CDH4: variants seen among roughly 807,000 people sequenced by gnomAD.
CDH4 encodes the protein cadherin 4.
In CDH4, 33 loss-of-function variants were observed where a neutral mutation model predicts 86.0. The ratio of observed to expected loss-of-function variants is 0.38; its 90% CI spans 0.29 to 0.51. The LOEUF is 0.51. Among genes scored for constraint, CDH4 ranks in the 20% least tolerant of loss-of-function variants. The pLI is 0.86. For missense variants in CDH4, 1,114 were observed against 1,307.4 expected, an observed-to-expected ratio of 0.85 and a Z score of 2.28; for synonymous variants, 555 against 549.4, an observed-to-expected ratio of 1.01 and a Z score of -0.14.
intron 2 of CDH4, among the ~76,000 whole-genome samples, chr20:61,717,053 A>T (rs2087964536): frequency 1.3e-5 from 2 of 152,230 alleles, no homozygotes; most frequent in African/African-American, 2.4e-5. Context: ...TGCCAGTGCC[A>T]GCAGCTTCTT....
At chr20:61,873,665 G>A (rs1983896653) in intron 6 of CDH4, 63 bp from the exon 7 acceptor site, 1 of 1,548,412 alleles carries the variant, frequency 6.5e-7, no homozygotes, top group Non-Finnish European at 8.8e-7. Flanking sequence ...CTGCCCAGGT[G>A]TGTGCGGGGG....
At chr20:61,885,688 T>C (rs895361022) in intron 7 of CDH4, among the ~76,000 whole-genome samples, 3 of 152,178 alleles carry the variant, frequency 2.0e-5, no homozygotes, top group African/African-American at 7.2e-5. Context: ...ACTCTTGACT[T>C]GTGAGGACCC....
chr20:61,787,566 G>T (rs543531332), intron 4 of CDH4, among the ~76,000 whole-genome samples: 13 of 152,206 alleles, frequency 8.5e-5, no homozygotes, highest in Middle Eastern at 3.2e-3. Context: ...GGGCCACAGC[G>T]AAACCATATC....
chr20:61,406,026 G>C (rs1440430252), intron 2 of CDH4, among the ~76,000 whole-genome samples: 5 of 152,158 alleles, frequency 3.3e-5, no homozygotes, highest in African/African-American at 1.2e-4. Context: ...TTCCTCTATA[G>C]ATCATAACTG....
In CDH4 at chr20:61,684,196, G is replaced by A. The variant is rs115903898; in HGVS notation, c.170-59367G>A. Among the ~76,000 whole-genome samples the A allele has an allele frequency of 0.011, 1,740 of 152,338 alleles. 32 individuals carry two copies. Among genetic ancestry groups the A allele is most frequent in the African/African-American group, 0.038 (1,567 of 41,580 alleles). ...AACCCCCAAAGGAATAAATGCAGCCGTTGCTGCTGGTGAAGGAGGCCGTCG... is the reference window on the plus strand; with the variant it reads ...AACCCCCAAAGGAATAAATGCAGCCATTGCTGCTGGTGAAGGAGGCCGTCG... On this transcript the variant is annotated intron_variant, in intron 2 of 15. Transcript: ENST00000614565. The surrounding 1 kb of genome is among the most constrained non-coding windows in gnomAD (Gnocchi z 4.5).
rs560166905 is a variant in CDH4, at chr20:61,648,209, A to G, written c.170-95354A>G. Among the ~76,000 whole-genome samples, 20 of 152,304 alleles carry G rather than the reference A, an allele frequency of 1.3e-4. No individual in the cohort carries two copies. The East Asian group carries it at 2.3e-3, about 18-fold the overall frequency. ...GAAGACTTGTTCAAGATGCTAATTC[A>G]TTGTCTGGGTCTTTCTGATGGAATG... On this transcript the variant is annotated intron_variant, in intron 2 of 15. Transcript: ENST00000614565.
chr20:61,761,064 A>G (rs1016717721), intron 3 of CDH4, among the ~76,000 whole-genome samples: 2 of 152,222 alleles, frequency 1.3e-5, no homozygotes, highest in African/African-American at 4.8e-5. Flanking sequence ...TTAAATATAC[A>G]TGTTTTCGGG....
At chr20:61,422,468 C>T (rs8114220) in intron 2 of CDH4, among the ~76,000 whole-genome samples, 8,641 of 68,964 alleles carry the variant, frequency 0.13, 970 homozygotes, top group African/African-American at 0.18. Context: ...AAAAAAAAAA[C>T]CAAATCTCCC....
chr20:61,578,223 C>T (rs2086398887), intron 2 of CDH4, among the ~76,000 whole-genome samples: 1 of 152,196 alleles, frequency 6.6e-6, no homozygotes, highest in African/African-American at 2.4e-5. Context: ...CTTTTACCCA[C>T]CAAAGAGAAT....
At chr20:61,611,744 G>A (rs1356260567) in intron 2 of CDH4, among the ~76,000 whole-genome samples, 1 of 152,140 alleles carries the variant, frequency 6.6e-6, no homozygotes, top group Non-Finnish European at 1.5e-5. Flanking sequence ...GGACAGGGCT[G>A]TTTCCAGGCT....
chr20:61,314,708 T>C (rs1362791516), intron 2 of CDH4, among the ~76,000 whole-genome samples: 1 of 152,150 alleles, frequency 6.6e-6, no homozygotes, highest in Non-Finnish European at 1.5e-5. Flanking sequence ...CTATCTTCCA[T>C]AACGCTCATC....
chr20:61,736,954 C>T (rs1361913893), intron 2 of CDH4, among the ~76,000 whole-genome samples: 2 of 152,192 alleles, frequency 1.3e-5, no homozygotes, highest in Non-Finnish European at 2.9e-5. Flanking sequence ...ACCGGACCAC[C>T]CTCAGCCTGT....
chr20:61,596,450 G>T (rs1214572454), intron 2 of CDH4, among the ~76,000 whole-genome samples: 1 of 152,190 alleles, frequency 6.6e-6, no homozygotes, highest in African/African-American at 2.4e-5. Context: ...GCACACTGCT[G>T]GGTGCATGGG....
chr20:61,478,040 G>GT (rs1317100539), intron 2 of CDH4, among the ~76,000 whole-genome samples: 1 of 152,174 alleles, frequency 6.6e-6, no homozygotes, highest in Non-Finnish European at 1.5e-5. Flanking sequence ...GTCTAATCGC[G>GT]TGAGGACTGA....
intron 2 of CDH4, among the ~76,000 whole-genome samples, chr20:61,353,656 T>C (rs1481735243): frequency 1.2e-5 from 1 of 80,138 alleles, no homozygotes; most frequent in Non-Finnish European, 2.4e-5. Flanking sequence ...CCTCCTCCTC[T>C]TCTTCCTCCT....
At chr20:61,673,446 G>T (rs1434273380) in intron 2 of CDH4, among the ~76,000 whole-genome samples, 1 of 152,218 alleles carries the variant, frequency 6.6e-6, no homozygotes, top group Non-Finnish European at 1.5e-5. Flanking sequence ...GAGGCTGCGT[G>T]CCTGGGCCCT....
At chr20:61,289,261 A>AG in intron 2 of CDH4, among the ~76,000 whole-genome samples, 1 of 152,240 alleles carries the variant, frequency 6.6e-6, no homozygotes, top group African/African-American at 2.4e-5. Flanking sequence ...AGCTGTCAGC[A>AG]CGCTCCCTCA....
intron 2 of CDH4, among the ~76,000 whole-genome samples, chr20:61,605,312 G>A (rs1410176259): frequency 7.2e-6 from 1 of 139,274 alleles, no homozygotes; most frequent in African/African-American, 2.6e-5. Flanking sequence ...GTCCTTGGTG[G>A]GGCCCACTCT....
chr20:61,721,907 A>T (rs2088046583), intron 2 of CDH4, among the ~76,000 whole-genome samples: 1 of 152,150 alleles, frequency 6.6e-6, no homozygotes, highest in African/African-American at 2.4e-5. Flanking sequence ...GGGAGGCTCC[A>T]TGGCCCACAC....
Sources: gnomAD v4.1 joint callset for allele counts (sites outside exome capture counted in the v4.1 genomes callset) on GRCh38, gnomAD v4.1.1 for gene constraint, Gnocchi (gnomAD v3.1) non-coding constraint, MANE v1.5 for transcripts, NCBI Gene and HGNC (gene_info 2026-07-23, HGNC 2026-07-21) for gene names.